SUMF1: variants seen among roughly 807,000 people sequenced by gnomAD.
SUMF1 encodes the protein formylglycine-generating enzyme.
A neutral mutation model predicts 47.6 loss-of-function variants in SUMF1; 48 were observed. The observed-to-expected ratio is 1.01, with a 90% confidence interval of 0.80 to 1.28. The LOEUF (loss-of-function observed/expected upper bound fraction) is 1.28. SUMF1 is among the 50% of genes most tolerant of loss of function. The pLI, the probability that SUMF1 is intolerant of heterozygous loss-of-function variation, is 0.00. For synonymous variants in SUMF1, 230 were observed against 192.1 expected, an observed-to-expected ratio of 1.20 and a Z score of -1.63; for missense variants, 571 against 485.4, an observed-to-expected ratio of 1.18 and a Z score of -1.66.
chr3:4,264,442 G>A (rs1283175243), intron 8 of SUMF1, among the ~76,000 whole-genome samples: 1 of 152,164 alleles, frequency 6.6e-6, no homozygotes, highest in African/African-American at 2.4e-5. Context: ...AAACAGGGGA[G>A]GTTGGAGTGA....
chr3:4,428,412 G>T (rs1242309382), intron 3 of SUMF1, among the ~76,000 whole-genome samples: 1 of 152,082 alleles, frequency 6.6e-6, no homozygotes, highest in African/African-American at 2.4e-5. Flanking sequence ...GGAGTGCAGT[G>T]GCACTATCAT....
At position 4,341,792 on chromosome 3, in the gene SUMF1, A is replaced by G. The variant is rs192319840; in HGVS notation, c.1014+34538T>C. On this transcript the variant is annotated intron_variant and NMD_transcript_variant, in intron 8 of 12. Coordinates refer to the SUMF1 transcript ENST00000448413. ...GGCTTGTGGCTTTTGTAGCTATTAGACTTCTTGCCTTGCTCACCTAGACAC... is the reference window on the plus strand; with the variant it reads ...GGCTTGTGGCTTTTGTAGCTATTAGGCTTCTTGCCTTGCTCACCTAGACAC... Among the ~76,000 whole-genome samples the G allele has an allele frequency of 4.6e-5, 7 of 152,276 alleles. No homozygotes were observed. The East Asian group carries it at 1.3e-3, about 29-fold the overall frequency.
intron 8 of SUMF1, among the ~76,000 whole-genome samples, chr3:4,100,933 C>A (rs547965638): frequency 4.6e-5 from 7 of 151,918 alleles, no homozygotes; most frequent in African/African-American, 1.7e-4. Context: ...CAGAGAAATG[C>A]AAATTAAAAC....
intron 8 of SUMF1, among the ~76,000 whole-genome samples, chr3:4,109,530 G>A (rs1693242490): frequency 6.6e-6 from 1 of 152,052 alleles, no homozygotes; most frequent in South Asian, 2.1e-4. Context: ...TTTCCAACTT[G>A]GTTCCATTCT....
intron 8 of SUMF1, among the ~76,000 whole-genome samples, chr3:4,339,794 G>C (rs534595173): frequency 6.6e-6 from 1 of 152,136 alleles, no homozygotes; most frequent in East Asian, 1.9e-4. Flanking sequence ...AACACTGACT[G>C]GGCCAGGCAT....
At position 4,051,396 on chromosome 3, in the gene SUMF1, C is replaced by G. The variant is rs1008085738; in HGVS notation, c.1191+17173G>C. On this transcript the variant is annotated intron_variant and NMD_transcript_variant, in intron 9 of 12. Transcript: ENST00000448413. ...AAGAGCCCCAAGAAAGTGGTTTTGTCCAGTGATGCACAGCCTTCCTGCTCC... is the reference window on the plus strand; with the variant it reads ...AAGAGCCCCAAGAAAGTGGTTTTGTGCAGTGATGCACAGCCTTCCTGCTCC... Among the ~76,000 whole-genome samples, 4 of 152,098 alleles carry G rather than the reference C, an allele frequency of 2.6e-5. No homozygotes were observed. In the South Asian group the frequency reaches 6.2e-4, roughly 24 times the overall value.
At chr3:4,313,064 G>A (rs1271287238) in intron 8 of SUMF1, 2 of 1,613,862 alleles carry the variant, frequency 1.2e-6, no homozygotes, top group East Asian at 2.2e-5. Context: ...ATAGGATCTG[G>A]AGGAAAGTAT....
intron 3 of SUMF1, among the ~76,000 whole-genome samples, chr3:4,421,501 A>G (rs967113601): frequency 6.6e-6 from 1 of 152,142 alleles, no homozygotes; most frequent in Non-Finnish European, 1.5e-5. Flanking sequence ...TCTTTTTGAG[A>G]CAGGGTCTCA....
Position 4,449,385 on chromosome 3 carries a change from A to C in SUMF1, c.445-45T>G, listed in dbSNP as rs79402028. 2.7e-3 allele frequency: 4,199 copies of C among 1,556,442 alleles called. 9 individuals carry two copies. The highest frequency in any genetic ancestry group is 3.2e-3 in the Non-Finnish European group (3,584 of 1,127,442). ...TAAAAATCCAGAAAAGGTTGTAGTA[A>C]TGTGTTGCATGTGTGCCCTTTTCTC... On this transcript the variant is annotated intron_variant, in intron 2 of 8. Transcript: ENST00000272902.
chr3:4,414,554 C>T (rs1041342922), intron 6 of SUMF1: 1 of 152,228 alleles, frequency 6.6e-6, no homozygotes, highest in Admixed American at 6.5e-5. Context: ...TGGCAGCTGT[C>T]TCTCTCTGGC....
At chr3:4,337,104 G>A (rs956252752) in intron 8 of SUMF1, among the ~76,000 whole-genome samples, 1 of 152,132 alleles carries the variant, frequency 6.6e-6, no homozygotes, top group African/African-American at 2.4e-5. Context: ...CATCTCTTAT[G>A]ATTCTTGTTT....
intron 8 of SUMF1, among the ~76,000 whole-genome samples, chr3:4,273,801 TGGGAGGGGAGGGC>T (rs1697357630): frequency 5.6e-4 from 4 of 7,128 alleles, no homozygotes; most frequent in South Asian, 4.8e-3. Flanking sequence ...GGGGAGGGCA[TGGGAGGGGAGGGC>T]ATGGGAGGGG....
intron 8 of SUMF1, among the ~76,000 whole-genome samples, chr3:4,184,235 C>T (rs1159298626): frequency 1.3e-5 from 2 of 151,932 alleles, no homozygotes; most frequent in Admixed American, 6.6e-5. Flanking sequence ...GTGGGCAGAT[C>T]ACTTGAGGTC....
Position 4,329,472 on chromosome 3 carries a change from T to C in SUMF1, c.1014+46858A>G, listed in dbSNP as rs542384715. Among the ~76,000 whole-genome samples, 93 of 152,368 alleles carry C rather than the reference T, an allele frequency of 6.1e-4. 1 individual carries two copies. The highest frequency in any genetic ancestry group is 2.1e-3 in the African/African-American group (89 of 41,594). ...CGTGAAAGCTGCCAATGCTTACGGT[T>C]TGCACCCTCTGAAACAATGGCCTGA... On this transcript the variant is annotated intron_variant and NMD_transcript_variant, in intron 8 of 12. Transcript: ENST00000448413.
chr3:4,335,513 A>G (rs1699128990), intron 8 of SUMF1, among the ~76,000 whole-genome samples: 2 of 152,238 alleles, frequency 1.3e-5, no homozygotes, highest in Non-Finnish European at 2.9e-5. Context: ...CCTTGCTGAA[A>G]GTAAACTAAA....
intron 8 of SUMF1, among the ~76,000 whole-genome samples, chr3:4,123,434 G>A (rs1262339214): frequency 6.6e-6 from 1 of 152,144 alleles, no homozygotes; most frequent in African/African-American, 2.4e-5. Flanking sequence ...CCACATGTTT[G>A]TTTAGTTTGG....
intron 8 of SUMF1, among the ~76,000 whole-genome samples, chr3:4,257,545 A>C (rs1313843814): frequency 1.3e-5 from 2 of 151,476 alleles, no homozygotes; most frequent in African/African-American, 4.9e-5. Context: ...CTAGGAATCC[A>C]ACTTACAAGG....
rs563552953 is a variant in SUMF1, at chr3:4,055,810, C to G, written c.1191+12759G>C. Among the ~76,000 whole-genome samples, 5 of 152,282 alleles carry G rather than the reference C, an allele frequency of 3.3e-5. No individual in the cohort carries two copies. In the South Asian group the frequency reaches 1.0e-3, roughly 32 times the overall value. ...ACACTTAGTTCTATAGTTCAGAATT[C>G]TGAAATGGAGTTCACTGGGCTATAA... On this transcript the variant is annotated intron_variant and NMD_transcript_variant, in intron 9 of 12. Transcript: ENST00000448413.
chr3:4,090,325 C>G (rs965388705), intron 8 of SUMF1, among the ~76,000 whole-genome samples: 9 of 152,036 alleles, frequency 5.9e-5, no homozygotes, highest in Non-Finnish European at 1.0e-4. Flanking sequence ...CTTTGGTTTT[C>G]TCTCACATTT....
Sources: allele counts gnomAD v4.1 joint callset (sites outside exome capture counted in the v4.1 genomes callset), GRCh38; gene constraint gnomAD v4.1.1; transcripts MANE v1.5; gene names NCBI Gene and HGNC (gene_info 2026-07-23, HGNC 2026-07-21).